CEP112: variants seen among roughly 807,000 people sequenced by gnomAD.
CEP112 encodes the protein centrosomal protein of 112 kDa.
Under a neutral mutation model 153.0 loss-of-function variants are expected in CEP112, and 127 were observed. The observed-to-expected ratio is 0.83, with a 90% CI of 0.72 to 0.96. The LOEUF (loss-of-function observed/expected upper bound fraction) is 0.96. Ranked by LOEUF, CEP112 falls within the 40% of genes least tolerant of loss-of-function variation. The probability of loss-of-function intolerance (pLI) is 0.00; values close to 1 mark genes in which losing one functional copy is unlikely to be tolerated. For synonymous variants in CEP112, 358 were observed against 374.4 expected (o/e 0.96, Z 0.51); for missense variants, 1,089 against 1,101.2 (o/e 0.99, Z 0.16).
chr17:65,687,363 C>T (rs1372478228), intron 24 of CEP112, among the ~76,000 whole-genome samples: 4 of 151,842 alleles, frequency 2.6e-5, no homozygotes, highest in Non-Finnish European at 5.9e-5. Context: ...GACAGGGTTT[C>T]ACCATGTTGG....
At chr17:66,041,900 C>T (rs926995645) in intron 12 of CEP112, among the ~76,000 whole-genome samples, 3 of 152,082 alleles carry the variant, frequency 2.0e-5, no homozygotes, top group African/African-American at 7.2e-5. Flanking sequence ...AGTAAAACTC[C>T]CTACTTCTTA....
Position 65,852,006 on chromosome 17 carries a change from T to G in CEP112, c.2192A>C (p.His731Pro). 6.2e-7 allele frequency: 1 copy of G among 1,612,348 alleles called. No individual in the cohort carries two copies. The highest frequency in any genetic ancestry group is 8.5e-7 in the Non-Finnish European group (1 of 1,179,582). ...QVIADMEAQV[H>P]KLREELINVN... ...ATTGATCAATTCTTCTCTCAACTTG[T>G]GAACCTGGGCCTCCATGTCGGCAAT... The change falls in exon 21 of 27, where the codon CAC (histidine) becomes CCC (proline). Residue 731 changes from histidine (H) to proline (P), a missense_variant. Transcript: ENST00000535342.
intron 17 of CEP112, among the ~76,000 whole-genome samples, chr17:65,971,437 T>G (rs867746965): frequency 1.7e-5 from 1 of 57,854 alleles, no homozygotes; most frequent in Non-Finnish European, 3.7e-5. Flanking sequence ...GCATGTTACA[T>G]GGATGCCGCA....
intron 21 of CEP112, among the ~76,000 whole-genome samples, chr17:65,771,185 G>T (rs1788733218): frequency 6.6e-6 from 1 of 152,020 alleles, no homozygotes; most frequent in South Asian, 2.1e-4. Flanking sequence ...GATGACAAAA[G>T]ATGTACCATG....
chr17:65,902,668 G>A (rs557090261), intron 19 of CEP112, among the ~76,000 whole-genome samples: 31 of 151,898 alleles, frequency 2.0e-4, no homozygotes, highest in South Asian at 6.3e-4. Flanking sequence ...TTAATAGTAC[G>A]CTTTGCTTTT....
chr17:65,814,375 T>C (rs951389370), intron 21 of CEP112, among the ~76,000 whole-genome samples: 1 of 152,186 alleles, frequency 6.6e-6, no homozygotes, highest in Non-Finnish European at 1.5e-5. Context: ...ATTGTTACCA[T>C]GTGGATAATG....
At chr17:65,892,102 A>G (rs1164619009) in intron 20 of CEP112, among the ~76,000 whole-genome samples, 3 of 152,112 alleles carry the variant, frequency 2.0e-5, no homozygotes, top group Non-Finnish European at 4.4e-5. Flanking sequence ...GTACAGGAAT[A>G]CCCTTACGGC....
chr17:65,791,218 T>G (rs1269409171), intron 21 of CEP112, among the ~76,000 whole-genome samples: 1 of 152,136 alleles, frequency 6.6e-6, no homozygotes, highest in Non-Finnish European at 1.5e-5. Flanking sequence ...GAGAAATAAT[T>G]TTGTAAAGCT....
chr17:65,790,379 G>T (rs2054520944), intron 21 of CEP112, among the ~76,000 whole-genome samples: 1 of 152,156 alleles, frequency 6.6e-6, no homozygotes, highest in African/African-American at 2.4e-5. Context: ...AAGGTGAGCA[G>T]TAACTAGGGA....
At chr17:66,166,382 AT>A (rs1362419570) in intron 4 of CEP112, among the ~76,000 whole-genome samples, 1 of 152,058 alleles carries the variant, frequency 6.6e-6, no homozygotes, top group African/African-American at 2.4e-5. Flanking sequence ...CTATTAAATC[AT>A]TTTTTTACAT....
chr17:65,914,936 A>G (rs2060420416), intron 19 of CEP112, among the ~76,000 whole-genome samples: 1 of 152,170 alleles, frequency 6.6e-6, no homozygotes, highest in Non-Finnish European at 1.5e-5. Context: ...TGAGGTGGCT[A>G]AAGACCTCGC....
rs140921557 is a variant in CEP112, at chr17:65,954,941, G to A, written c.1872+6522C>T. The stretch of plus-strand genomic sequence containing the variant: ...AGCTAAAAGTTTGGAAAACATATTT[G>A]AGGGAATAATTTAGGAAAACTTCCC... On this transcript the variant is annotated intron_variant, in intron 18 of 26. Transcript: ENST00000535342. Among the ~76,000 whole-genome samples, 129 of 152,328 alleles carry A rather than the reference G, an allele frequency of 8.5e-4. 1 individual carries two copies. The highest frequency in any genetic ancestry group is 3.0e-3 in the African/African-American group (123 of 41,582).
At chr17:65,916,137 A>G (rs2060469928) in intron 19 of CEP112, among the ~76,000 whole-genome samples, 2 of 152,180 alleles carry the variant, frequency 1.3e-5, no homozygotes, top group African/African-American at 2.4e-5. Context: ...CTTGTATAAA[A>G]TAATAACCAT....
intron 23 of CEP112, among the ~76,000 whole-genome samples, chr17:65,705,475 T>C (rs1042043653): frequency 6.6e-6 from 1 of 152,194 alleles, no homozygotes; most frequent in Non-Finnish European, 1.5e-5. Context: ...TAAGACATAG[T>C]CTCACCTTTT....
intron 1 of CEP112, among the ~76,000 whole-genome samples, chr17:66,184,095 A>G (rs986727545): frequency 1.3e-5 from 2 of 152,078 alleles, no homozygotes; most frequent in South Asian, 2.1e-4. Flanking sequence ...CAAAACAAAA[A>G]AAAAATTAAA....
chr17:65,671,729 C>T (rs979360777), intron 24 of CEP112, among the ~76,000 whole-genome samples: 5 of 151,992 alleles, frequency 3.3e-5, no homozygotes, highest in Admixed American at 3.3e-4. Flanking sequence ...ACATTCACTG[C>T]CCTCAGAGGA....
At chr17:66,021,974 C>T (rs1287851403) in intron 16 of CEP112, among the ~76,000 whole-genome samples, 1 of 152,180 alleles carries the variant, frequency 6.6e-6, no homozygotes, top group African/African-American at 2.4e-5. Flanking sequence ...CCTGCAAACC[C>T]CATAGTAAAT....
At chr17:65,703,878 A>C (rs576465404) in intron 23 of CEP112, among the ~76,000 whole-genome samples, 2 of 151,840 alleles carry the variant, frequency 1.3e-5, no homozygotes, top group South Asian at 4.2e-4. Flanking sequence ...ATGATTCCGA[A>C]GGCTTCCCTA....
At chr17:65,940,185 A>G (rs1180285734) in intron 18 of CEP112, among the ~76,000 whole-genome samples, 1 of 152,206 alleles carries the variant, frequency 6.6e-6, no homozygotes, top group African/African-American at 2.4e-5. Flanking sequence ...CTACAATGAG[A>G]TATCACTTCA....
Sources: gnomAD v4.1 joint callset for allele counts (sites outside exome capture counted in the v4.1 genomes callset) on GRCh38, gnomAD v4.1.1 for gene constraint, MANE v1.5 for transcripts, NCBI Gene and HGNC (gene_info 2026-07-23, HGNC 2026-07-21) for gene names.